IQCM: variants seen among roughly 807,000 people sequenced by gnomAD.
IQCM encodes IQ motif containing M, also known as IQ domain-containing protein M.
IQCM carries 45 observed loss-of-function variants against 57.6 expected under a neutral mutation model. That is an observed-to-expected ratio of 0.78 (90% CI 0.62 to 1.00). The LOEUF (loss-of-function observed/expected upper bound fraction) is 1.00, where lower values mean the gene tolerates loss of function less well. Ranked by LOEUF, IQCM falls within the 50% of genes least tolerant of loss-of-function variation. IQCM has a pLI of 0.00. For synonymous variants in IQCM, 148 were observed against 158.9 expected (o/e 0.93, Z 0.51); for missense variants, 468 against 511.6 (o/e 0.91, Z 0.82).
intron 12 of IQCM, among the ~76,000 whole-genome samples, chr4:149,536,476 A>C (rs1471175352): frequency 3.3e-5 from 5 of 151,930 alleles, no homozygotes; most frequent in Non-Finnish European, 5.9e-5. Context: ...TTTCTTATCT[A>C]GTTAACTCAT....
At chr4:149,794,522 C>T (rs984087115) in intron 2 of IQCM, among the ~76,000 whole-genome samples, 3 of 152,080 alleles carry the variant, frequency 2.0e-5, no homozygotes, top group African/African-American at 4.8e-5. Flanking sequence ...AACTAGCCAG[C>T]GAGTTATGTT....
At chr4:149,425,697 G>A (rs150477591) in intron 13 of IQCM, among the ~76,000 whole-genome samples, 24 of 151,930 alleles carry the variant, frequency 1.6e-4, no homozygotes, top group Middle Eastern at 3.4e-3. Flanking sequence ...CAGAAACACC[G>A]TCACCCAGAA....
chr4:149,624,683 C>T (rs1014493654), intron 7 of IQCM, among the ~76,000 whole-genome samples: 7 of 152,122 alleles, frequency 4.6e-5, no homozygotes, highest in African/African-American at 1.4e-4. Flanking sequence ...ATCTTAGTAT[C>T]GCAAATGAAT....
chr4:149,523,588 G>T (rs899257538), intron 12 of IQCM, among the ~76,000 whole-genome samples: 2 of 152,066 alleles, frequency 1.3e-5, no homozygotes, highest in Non-Finnish European at 2.9e-5. Flanking sequence ...AAGAAAAACC[G>T]CAAGACAGAA....
chr4:149,468,180 C>T (rs1009400873), intron 12 of IQCM, among the ~76,000 whole-genome samples: 12 of 152,046 alleles, frequency 7.9e-5, no homozygotes, highest in South Asian at 2.1e-4. Context: ...GGCGGGGCAT[C>T]GCCTCACCCA....
At chr4:149,422,079 T>C (rs949842613) in intron 13 of IQCM, among the ~76,000 whole-genome samples, 1 of 151,978 alleles carries the variant, frequency 6.6e-6, no homozygotes, top group African/African-American at 2.4e-5. Context: ...TTCACTTCAC[T>C]ATGCTGCAGT....
At chr4:149,391,675 T>C (rs1731866892) in intron 13 of IQCM, among the ~76,000 whole-genome samples, 1 of 151,988 alleles carries the variant, frequency 6.6e-6, no homozygotes, top group South Asian at 2.1e-4. Context: ...GTATGTTGTA[T>C]TTTTATTTCC....
intron 10 of IQCM, among the ~76,000 whole-genome samples, chr4:149,554,286 G>C (rs1033065041): frequency 1.2e-4 from 19 of 152,078 alleles, no homozygotes; most frequent in Admixed American, 5.2e-4. Context: ...AACTAGCATA[G>C]AGGCATTCCA....
At chr4:149,519,252 T>C (rs1006812871) in intron 12 of IQCM, among the ~76,000 whole-genome samples, 4 of 150,606 alleles carry the variant, frequency 2.7e-5, no homozygotes, top group Non-Finnish European at 5.9e-5. Context: ...TTTTGAATCA[T>C]TGGAAAATTA....
At chr4:149,810,452 TA>T (rs983165634) in intron 2 of IQCM, among the ~76,000 whole-genome samples, 4 of 150,448 alleles carry the variant, frequency 2.7e-5, no homozygotes, top group African/African-American at 7.3e-5. Flanking sequence ...CAAAAACATA[TA>T]ATTTTTTTTT....
At chr4:149,554,738 C>CTGGAGT (rs1749389795) in intron 10 of IQCM, among the ~76,000 whole-genome samples, 1 of 150,396 alleles carries the variant, frequency 6.6e-6, no homozygotes, top group Non-Finnish European at 1.5e-5. Flanking sequence ...GTCGCTCTGT[C>CTGGAGT]GCCCAGGCTG....
chr4:149,410,837 C>A (rs1489686199), intron 13 of IQCM, among the ~76,000 whole-genome samples: 1 of 152,018 alleles, frequency 6.6e-6, no homozygotes, highest in Non-Finnish European at 1.5e-5. Context: ...GACAAAGGAC[C>A]TATTCCTAAC....
rs1579442751 is a variant in IQCM, at chr4:149,546,906, C to G, written c.1228+1549G>C. 2.0e-5 allele frequency among the ~76,000 whole-genome samples: 3 copies of G among 152,222 alleles called. No homozygotes were observed. In the South Asian group the frequency reaches 6.2e-4, roughly 32 times the overall value. ...ATGAAGTCCTTGCCCATGCCTATGT[C>G]CTGAATGGTATTGCCTAGGTTTTCT... On this transcript the variant is annotated intron_variant, in intron 12 of 13. Transcript: ENST00000636793.
chr4:149,580,004 T>C (rs1237095015), intron 9 of IQCM, among the ~76,000 whole-genome samples: 1 of 151,802 alleles, frequency 6.6e-6, no homozygotes, highest in Admixed American at 6.6e-5. Flanking sequence ...GTACTCAAAG[T>C]GTGGTCTGAG....
intron 12 of IQCM, among the ~76,000 whole-genome samples, chr4:149,535,715 TG>T (rs1471089294): frequency 6.6e-6 from 1 of 151,998 alleles, no homozygotes. Context: ...TACATAACAA[TG>T]GCACAAATAT....
At chr4:149,392,692 C>T (rs1731950711) in intron 13 of IQCM, among the ~76,000 whole-genome samples, 1 of 151,850 alleles carries the variant, frequency 6.6e-6, no homozygotes. Context: ...GGAAAGAAGC[C>T]AGGGCAAATC....
intron 12 of IQCM, among the ~76,000 whole-genome samples, chr4:149,450,737 G>A (rs1379592619): frequency 6.6e-6 from 1 of 151,774 alleles, no homozygotes; most frequent in Admixed American, 6.6e-5. Flanking sequence ...GTGGAGAAAA[G>A]AGAACCCTCA....
intron 7 of IQCM, among the ~76,000 whole-genome samples, chr4:149,661,009 A>T (rs1337741884): frequency 6.6e-6 from 1 of 152,044 alleles, no homozygotes; most frequent in African/African-American, 2.4e-5. Context: ...AAAAATAAAA[A>T]ACTAAAAATA....
intron 5 of IQCM, among the ~76,000 whole-genome samples, chr4:149,715,085 A>T (rs1330934327): frequency 6.6e-6 from 1 of 152,230 alleles, no homozygotes; most frequent in Non-Finnish European, 1.5e-5. Context: ...GACTACTGTC[A>T]TGGGATCCTT....
Sources: allele counts gnomAD v4.1 joint callset (sites outside exome capture counted in the v4.1 genomes callset), GRCh38; gene constraint gnomAD v4.1.1; transcripts MANE v1.5; gene names NCBI Gene and HGNC (gene_info 2026-07-23, HGNC 2026-07-21).